LYPLA1: variants seen among roughly 807,000 people sequenced by gnomAD.
The protein encoded by LYPLA1 is lysophospholipase 1, also known as acyl-protein thioesterase 1.
LYPLA1 carries 17 observed loss-of-function variants against 34.0 expected under a neutral mutation model. That is an observed-to-expected ratio of 0.50 (90% CI 0.34 to 0.75). LYPLA1 has a LOEUF of 0.75. Ranked by LOEUF, LYPLA1 falls within the 30% of genes least tolerant of loss-of-function variation. The pLI is 0.01. For missense variants in LYPLA1, 203 were observed against 288.8 expected (o/e 0.70, Z 2.15); for synonymous variants, 98 against 100.8 (o/e 0.97, Z 0.17).
chr8:54,091,158 C>T (rs1340813824), intron 2 of LYPLA1, among the ~76,000 whole-genome samples: 1 of 152,102 alleles, frequency 6.6e-6, no homozygotes, highest in Non-Finnish European at 1.5e-5. Context: ...GTGTGAGCCA[C>T]CATGCCTGGC....
At chr8:54,094,428 C>A (rs906898927) in intron 2 of LYPLA1, among the ~76,000 whole-genome samples, 13 of 152,128 alleles carry the variant, frequency 8.5e-5, no homozygotes. Flanking sequence ...TTGGCCAGAA[C>A]CCCCCAAGAA....
chr8:54,060,689 CTTTTTTT>C (rs761596145), intron 5 of LYPLA1, among the ~76,000 whole-genome samples: 1 of 123,484 alleles, frequency 8.1e-6, no homozygotes, highest in African/African-American at 3.5e-5. Context: ...TTTTTTCTTC[CTTTTTTT>C]TTTTTTTTTT....
intron 1 of LYPLA1, 150 bp from the exon 2 acceptor site, chr8:54,101,089 C>A: frequency 3.1e-6 from 2 of 654,006 alleles, no homozygotes; most frequent in Non-Finnish European, 5.0e-6. Flanking sequence ...TTATCGACCT[C>A]TTTTAAATGG....
At chr8:54,045,776 A>C (rs2129318878), downstream of LYPLA1, 1 of 152,296 alleles carries the variant, frequency 6.6e-6, no homozygotes, top group Non-Finnish European at 1.5e-5. Context: ...CATTAAAGAA[A>C]AAGACCGGGC....
In LYPLA1 at chr8:54,100,553, T is replaced by C. The variant is rs867526055; in HGVS notation, c.101+355A>G. The C allele has an allele frequency of 6.6e-5, 18 of 271,126 alleles. No individual in the cohort carries two copies. The Middle Eastern group carries it at 5.0e-3, about 76-fold the overall frequency. 16.8% of individuals were successfully genotyped at this position (271,126 alleles called of 1,614,324 possible). A position where few individuals can be genotyped will look rare whatever the true frequency, so the allele number is the denominator to read the frequency against. On this transcript the variant is annotated intron_variant, in intron 2 of 8. Coordinates refer to ENST00000316963, the MANE Select transcript of LYPLA1 (RefSeq NM_006330.4). The stretch of plus-strand genomic sequence containing the variant: ...CACTAGTTCTCTTATCAAAATCAAC[T>C]AGTTCTTCTCTTCAATCTGCTCTGA...
chr8:54,071,923 G>A (rs757739259), intron 2 of LYPLA1, among the ~76,000 whole-genome samples: 7 of 152,134 alleles, frequency 4.6e-5, no homozygotes, highest in Non-Finnish European at 1.0e-4. Flanking sequence ...AGCCCAAACA[G>A]ACAAGGCAAT....
intron 2 of LYPLA1, among the ~76,000 whole-genome samples, chr8:54,076,397 CTA>C (rs1488519586): frequency 6.6e-6 from 1 of 152,172 alleles, no homozygotes; most frequent in African/African-American, 2.4e-5. Context: ...TGCTTTTAAT[CTA>C]TGTTATTTGT....
At chr8:54,097,523 G>A (rs1442899509) in intron 2 of LYPLA1, among the ~76,000 whole-genome samples, 1 of 152,194 alleles carries the variant, frequency 6.6e-6, no homozygotes, top group Non-Finnish European at 1.5e-5. Flanking sequence ...ATCTGGCAAA[G>A]GTTGAATGCA....
intron 2 of LYPLA1, among the ~76,000 whole-genome samples, chr8:54,096,874 C>T (rs1321745509): frequency 6.6e-6 from 1 of 152,122 alleles, no homozygotes; most frequent in African/African-American, 2.4e-5. Flanking sequence ...CACCACTGCA[C>T]TCCAGCCTGG....
At chr8:54,099,683 G>A (rs1463717700) in intron 2 of LYPLA1, among the ~76,000 whole-genome samples, 1 of 151,720 alleles carries the variant, frequency 6.6e-6, no homozygotes, top group East Asian at 1.9e-4. Flanking sequence ...CAAAAATCTA[G>A]CCTAATGGCA....
rs1280384900 is a variant in LYPLA1 at position 54,055,290 on chromosome 8, A to G, written c.287-157T>C. The G allele has an allele frequency of 5.2e-6, 3 of 573,852 alleles. No individual in the cohort carries two copies. The African/African-American group carries it at 5.7e-5, about 11-fold the overall frequency. The allele number at this position is 573,852 out of a possible 1,614,324, so 35.5% of individuals were successfully genotyped here. The stretch of plus-strand genomic sequence containing the variant: ...CACTTCATTAAAATACAAAATTAGA[A>G]TGTATTTTCATATGCCAACGGAGAA... On this transcript the variant is annotated intron_variant, in intron 5 of 8. Coordinates refer to ENST00000316963, the MANE Select transcript of LYPLA1 (RefSeq NM_006330.4).
At chr8:54,092,075 AAGG>A (rs1463087737) in intron 2 of LYPLA1, among the ~76,000 whole-genome samples, 3 of 151,476 alleles carry the variant, frequency 2.0e-5, no homozygotes, top group Admixed American at 6.6e-5. Context: ...CTGTCGAAGC[AAGG>A]AGGAGGAGGA....
chr8:54,059,071 C>T (rs1333308121), intron 5 of LYPLA1, among the ~76,000 whole-genome samples: 1 of 152,184 alleles, frequency 6.6e-6, no homozygotes, highest in African/African-American at 2.4e-5. Context: ...AGGACAGAAT[C>T]TTTCATTCTG....
chr8:54,048,768 A>C (rs1805642345), intron 8 of LYPLA1, among the ~76,000 whole-genome samples: 2 of 152,166 alleles, frequency 1.3e-5, no homozygotes, highest in African/African-American at 4.8e-5. Flanking sequence ...CAATGCAGCT[A>C]ACCTTCAGCC....
chr8:54,099,413 C>A (rs1333556772), intron 2 of LYPLA1, among the ~76,000 whole-genome samples: 1 of 152,148 alleles, frequency 6.6e-6, no homozygotes, highest in East Asian at 1.9e-4. Flanking sequence ...AGTGGTGGCT[C>A]ACGCCTGTAA....
At chr8:54,079,645 A>C (rs1205816182) in intron 2 of LYPLA1, among the ~76,000 whole-genome samples, 1 of 152,038 alleles carries the variant, frequency 6.6e-6, no homozygotes, top group Non-Finnish European at 1.5e-5. Context: ...ATCTACTGAG[A>C]ATACAAAATT....
chr8:54,098,832 C>T (rs1006276916), intron 2 of LYPLA1, among the ~76,000 whole-genome samples: 3 of 152,180 alleles, frequency 2.0e-5, no homozygotes, highest in African/African-American at 4.8e-5. Context: ...GGGGAGACTA[C>T]AATATCTTAA....
intron 4 of LYPLA1, 129 bp from the exon 5 acceptor site, chr8:54,062,453 C>A: frequency 3.0e-6 from 1 of 332,682 alleles, no homozygotes. Context: ...TTTAATTTAT[C>A]TATTTAATTA....
chr8:54,068,743 T>C (rs139658859), intron 2 of LYPLA1, among the ~76,000 whole-genome samples: 15 of 152,210 alleles, frequency 9.9e-5, no homozygotes, highest in South Asian at 2.1e-4. Context: ...AAAACACACA[T>C]ACATCTTTGT....
Sources: allele counts gnomAD v4.1 joint callset (sites outside exome capture counted in the v4.1 genomes callset), GRCh38; gene constraint gnomAD v4.1.1; transcripts MANE v1.5; gene names NCBI Gene and HGNC (gene_info 2026-07-23, HGNC 2026-07-21).